Variants in MAX observed in about 807,000 individuals in gnomAD.
MAX encodes the protein MYC associated transcriptional regulator X.
A neutral mutation model predicts 22.3 loss-of-function variants in MAX; 3 were observed. That is an observed-to-expected ratio of 0.13 (90% CI 0.06 to 0.35). The LOEUF (loss-of-function observed/expected upper bound fraction) is 0.35, where lower values mean the gene tolerates loss of function less well. MAX is among the 10% of genes least tolerant of loss of function. The pLI, the probability that MAX is intolerant of heterozygous loss-of-function variation, is 1.00. For missense variants in MAX, 119 were observed against 209.4 expected (o/e 0.57, Z 2.66); for synonymous variants, 72 against 77.7 (o/e 0.93, Z 0.39).
Position 65,069,614 on chromosome 14 carries a change from GCA to G in MAX, c.171+24092_171+24093del, listed in dbSNP as rs1325224038. Among the ~76,000 whole-genome samples the G allele has an allele frequency of 2.6e-5, 4 of 152,216 alleles. No individual in the cohort carries two copies. The highest frequency in any genetic ancestry group is 2.6e-4 in the Admixed American group (4 of 15,284). ...CAACCCTGGAACCGCCCTATCAAGG[GCA>G]CAGAGATGAAGGTACATCACAAGGC... On this transcript the variant is annotated intron_variant, in intron 3 of 3. Coordinates refer to the MAX transcript ENST00000341653. The surrounding 1 kb of genome is among the most constrained non-coding windows in gnomAD (Gnocchi z 4.6).
intron 3 of MAX, among the ~76,000 whole-genome samples, chr14:65,055,708 G>C (rs915341081): frequency 6.6e-6 from 1 of 151,968 alleles, no homozygotes; most frequent in East Asian, 1.9e-4. Context: ...GTAGAGACAG[G>C]GTTTCCCCAT....
intron 2 of MAX, among the ~76,000 whole-genome samples, chr14:65,096,749 A>G (rs1313640186): frequency 6.6e-6 from 1 of 152,208 alleles, no homozygotes; most frequent in Non-Finnish European, 1.5e-5. Flanking sequence ...GAACAAATAA[A>G]ACTCTACTCA....
At position 65,032,459 on chromosome 14, in the gene MAX, G is replaced by T; in HGVS notation, c.172-26175C>A. On this transcript the variant is annotated intron_variant, in intron 3 of 3. Coordinates refer to the MAX transcript ENST00000341653. This position sits in a 1 kb window ranked among gnomAD's most constrained non-coding sequence, Gnocchi z 5.0. ...AAATAGAATGTCACACCTCTCAGTT[G>T]GAGACCCAGGAGGACTGACCGTGTG... 1.5e-6 allele frequency: 1 copy of T among 647,798 alleles called. No individual in the cohort carries two copies. The highest frequency in any genetic ancestry group is 2.5e-6 in the Non-Finnish European group (1 of 406,292). 40.1% of individuals were successfully genotyped at this position (647,798 alleles called of 1,614,324 possible).
intron 3 of MAX, among the ~76,000 whole-genome samples, chr14:65,051,013 T>A (rs931895985): frequency 6.6e-6 from 1 of 152,224 alleles, no homozygotes; most frequent in Non-Finnish European, 1.5e-5. Flanking sequence ...TCACTGTGCT[T>A]ACAGGTGAGG....
intron 3 of MAX, among the ~76,000 whole-genome samples, chr14:65,050,479 T>C (rs566245267): frequency 1.8e-4 from 28 of 152,150 alleles, no homozygotes; most frequent in African/African-American, 6.5e-4. Context: ...TAATCCAAGG[T>C]ACTCAGGAGG....
Position 65,051,827 on chromosome 14 carries a change from C to CTG in MAX, c.171+41879_171+41880dup, listed in dbSNP as rs1478346935. 1.4e-3 allele frequency among the ~76,000 whole-genome samples: 209 copies of CTG among 147,502 alleles called. 1 individual carries two copies. The highest frequency in any genetic ancestry group is 3.6e-3 in the Middle Eastern group (1 of 274). ...TTTTTTTTTTTGAGATGGAGTCTCG[C>CTG]TGTGTCGCCCAGGCTGGAGTGCAGT... is the stretch of plus-strand genomic sequence containing the variant. On this transcript the variant is annotated intron_variant, in intron 3 of 3. Coordinates refer to the MAX transcript ENST00000341653.
intron 3 of MAX, among the ~76,000 whole-genome samples, chr14:65,053,649 T>A (rs369931013): frequency 9.4e-4 from 125 of 133,070 alleles, no homozygotes; most frequent in African/African-American, 4.4e-3. Context: ...AAAAAACTGA[T>A]CTAAATAGAA....
At position 65,030,971 on chromosome 14, in the gene MAX, C is replaced by T. The variant is rs111273523; in HGVS notation, c.172-24687G>A. 2.2e-3 allele frequency among the ~76,000 whole-genome samples: 336 copies of T among 152,128 alleles called. 2 individuals carry two copies. Among genetic ancestry groups the T allele is most frequent in the African/African-American group, 7.6e-3 (317 of 41,502 alleles). Reference sequence around the variant, plus strand: ...TACAGGCGTGTGCCACCATGCCCAGCTAATTTTTGTATTTTTAGTAGAGAC... The same window carrying T: ...TACAGGCGTGTGCCACCATGCCCAGTTAATTTTTGTATTTTTAGTAGAGAC... On this transcript the variant is annotated intron_variant, in intron 3 of 3. Coordinates refer to the MAX transcript ENST00000341653. The surrounding 1 kb of genome is among the most constrained non-coding windows in gnomAD (Gnocchi z 4.5).
At chr14:65,071,187 G>GTTTT, downstream of MAX, among the ~76,000 whole-genome samples, 1 of 152,112 alleles carries the variant, frequency 6.6e-6, no homozygotes, top group African/African-American at 2.4e-5. This position sits in a 1 kb window ranked among gnomAD's most constrained non-coding sequence, Gnocchi z 4.2. Context: ...TGTCACCCAG[G>GTTTT]CTGGAGTGCA....
In MAX at chr14:65,007,508, T is replaced by C. The variant is rs2061612546; in HGVS notation, c.172-1224A>G. Among the ~76,000 whole-genome samples the C allele has an allele frequency of 1.3e-5, 2 of 152,242 alleles. No individual in the cohort carries two copies. Among genetic ancestry groups the C allele is most frequent in the South Asian group, 2.1e-4 (1 of 4,836 alleles). ...TCAGTGTTCCAGGGCCAAAGCTGAA[T>C]AGCAGACTGGGCTGAAAGTCAAGCC... is the stretch of plus-strand genomic sequence containing the variant. On this transcript the variant is annotated intron_variant, in intron 3 of 3. Coordinates refer to the MAX transcript ENST00000341653. This position sits in a 1 kb window ranked among gnomAD's most constrained non-coding sequence, Gnocchi z 4.9.
intron 3 of MAX, among the ~76,000 whole-genome samples, chr14:65,046,412 A>G (rs1474537827): frequency 6.6e-6 from 1 of 152,210 alleles, no homozygotes; most frequent in African/African-American, 2.4e-5. Context: ...TAATTCTGCA[A>G]TCCCAGGGAA....
downstream of MAX, among the ~76,000 whole-genome samples, chr14:65,072,412 G>T (rs1183931984): frequency 1.3e-5 from 2 of 152,164 alleles, 1 homozygote; most frequent in Admixed American, 1.3e-4. Context: ...CAGCTCTAAG[G>T]GTTGAACTAT....
intron 3 of MAX, among the ~76,000 whole-genome samples, chr14:65,025,762 G>A (rs973147601): frequency 1.6e-4 from 24 of 152,172 alleles, no homozygotes; most frequent in Non-Finnish European, 5.9e-5. Context: ...GCTGCAGTGA[G>A]CCGTGATTAT....
Position 65,032,529 on chromosome 14 carries a change from G to A in MAX, c.172-26245C>T, listed in dbSNP as rs1566557824. The A allele has an allele frequency of 2.0e-6, 3 of 1,512,408 alleles. No individual in the cohort carries two copies. Among genetic ancestry groups the A allele is most frequent in the Non-Finnish European group, 2.7e-6 (3 of 1,118,192 alleles). The allele number at this position is 1,512,408 out of a possible 1,614,324, so 93.7% of individuals were successfully genotyped here. On this transcript the variant is annotated intron_variant, in intron 3 of 3. Transcript: ENST00000341653. This position sits in a 1 kb window ranked among gnomAD's most constrained non-coding sequence, Gnocchi z 5.0. ...GTGATTACAGCTTACTAGGCAAGGC[G>A]AGCAGTCCGCCCGCGGAGTTCACTG... is the stretch of plus-strand genomic sequence containing the variant.
At chr14:65,060,888 A>C (rs955710606) in intron 3 of MAX, among the ~76,000 whole-genome samples, 3 of 148,960 alleles carry the variant, frequency 2.0e-5, no homozygotes, top group Non-Finnish European at 4.5e-5. Context: ...AAAAAAAAAA[A>C]AAAAAAACAG....
Position 65,076,626 on chromosome 14 carries a change from C to T in MAX, c.333G>A (p.Leu111=), listed in dbSNP as rs2139741549. Residue 111 remains leucine (L), a synonymous_variant, in exon 5 of 5, where the codon CTG becomes CTA. Transcript: ENST00000358664. This position sits in a 1 kb window ranked among gnomAD's most constrained non-coding sequence, Gnocchi z 6.6. ...ALEKARSSAQ[L]QTNYPSSDNS... ...TGTCTGAGGAGGGGTAGTTGGTCTG[C>T]AGTTGGGCACTTGACCTCGCCTTCT... 3 of 1,614,166 alleles carry T rather than the reference C, an allele frequency of 1.9e-6. No individual in the cohort carries two copies. The highest frequency in any genetic ancestry group is 2.5e-6 in the Non-Finnish European group (3 of 1,180,026).
In MAX at chr14:65,082,662, G is replaced by A. The variant is rs1268597707; in HGVS notation, c.172-4626C>T. Reference sequence around the variant, plus strand: ...CACGAATGTGGTCCCAGCTACTTGGGAGGCAAAGGTGGGAGGATCTCTTGA... The same window carrying A: ...CACGAATGTGGTCCCAGCTACTTGGAAGGCAAAGGTGGGAGGATCTCTTGA... On this transcript the variant is annotated intron_variant, in intron 3 of 4. Transcript: ENST00000358664. This position sits in a 1 kb window ranked among gnomAD's most constrained non-coding sequence, Gnocchi z 4.8. Among the ~76,000 whole-genome samples, 1 of 152,034 alleles carries A rather than the reference G, an allele frequency of 6.6e-6. No homozygotes were observed. The highest frequency in any genetic ancestry group is 1.9e-4 in the East Asian group (1 of 5,190).
At chr14:65,039,251 G>C (rs1427956891) in intron 3 of MAX, among the ~76,000 whole-genome samples, 1 of 152,182 alleles carries the variant, frequency 6.6e-6, no homozygotes, top group Non-Finnish European at 1.5e-5. Flanking sequence ...CTAAATTCCT[G>C]CTTGGGGTAT....
Position 65,030,722 on chromosome 14 carries a change from A to C in MAX, c.172-24438T>G, listed in dbSNP as rs112148813. 6.6e-6 allele frequency among the ~76,000 whole-genome samples: 1 copy of C among 152,066 alleles called. No homozygotes were observed. The highest frequency in any genetic ancestry group is 1.5e-5 in the Non-Finnish European group (1 of 67,996). The stretch of plus-strand genomic sequence containing the variant: ...GCCACTGCACTGCAGCCTGGGCAAC[A>C]AAGTGAGATCCTATCTTAAAAAAAA... On this transcript the variant is annotated intron_variant, in intron 3 of 3. Coordinates refer to the MAX transcript ENST00000341653. The surrounding 1 kb of genome is among the most constrained non-coding windows in gnomAD (Gnocchi z 4.5).
Sources: allele counts gnomAD v4.1 joint callset (sites outside exome capture counted in the v4.1 genomes callset), GRCh38; gene constraint gnomAD v4.1.1; non-coding constraint Gnocchi (gnomAD v3.1); transcripts MANE v1.5; gene names NCBI Gene and HGNC (gene_info 2026-07-23, HGNC 2026-07-21).